The following FARS2 variants were observed in gnomAD, a reference collection of about 807,000 sequenced individuals.
FARS2 encodes phenylalanine--tRNA ligase, mitochondrial.
FARS2 carries 40 observed loss-of-function variants against 46.4 expected under a neutral mutation model. The ratio of observed to expected loss-of-function variants is 0.86; its 90% CI spans 0.67 to 1.12. The LOEUF (loss-of-function observed/expected upper bound fraction) is 1.12, where lower values mean the gene tolerates loss of function less well. Among genes scored for constraint, FARS2 ranks in the 50% most tolerant of loss-of-function variants. FARS2 has a pLI of 0.00. For synonymous variants in FARS2, 234 were observed against 214.9 expected, an observed-to-expected ratio of 1.09 and a Z score of -0.78; for missense variants, 513 against 567.9, an observed-to-expected ratio of 0.90 and a Z score of 0.98.
rs568410124 is a variant in FARS2 at position 5,297,102 on chromosome 6, TACA to T, written c.-22+35446_-22+35448del. On this transcript the variant is annotated intron_variant, in intron 1 of 6. Coordinates refer to ENST00000274680, the MANE Select transcript of FARS2 (RefSeq NM_006567.5). The stretch of plus-strand genomic sequence containing the variant: ...TAGGTAATTATTTGTCCTTCACTGT[TACA>T]ACAGCGGAGGAAGGGTAGCACAGAG... Among the ~76,000 whole-genome samples, 339 of 152,314 alleles carry T rather than the reference TACA, an allele frequency of 2.2e-3. 2 individuals are homozygous for T. The highest frequency in any genetic ancestry group is 7.9e-3 in the African/African-American group (328 of 41,568).
intron 4 of FARS2, among the ~76,000 whole-genome samples, chr6:5,472,432 A>G (rs1382429670): frequency 6.6e-6 from 1 of 152,162 alleles, no homozygotes; most frequent in Non-Finnish European, 1.5e-5. Flanking sequence ...GGGGAATGAG[A>G]AGGAGGAAAA....
At chr6:5,317,407 T>C (rs955543576) in intron 1 of FARS2, among the ~76,000 whole-genome samples, 6 of 151,956 alleles carry the variant, frequency 3.9e-5, no homozygotes, top group African/African-American at 1.5e-4. Context: ...ATGCTAGGGG[T>C]GCTAATGGAA....
rs143220382 is a variant in FARS2, at chr6:5,579,677, G to A, written c.1066-33492G>A. ...TTGTCCATTAGAACATGCTTTATAC[G>A]GCATGTGGAGGGATGTGTGTGCCTC... On this transcript the variant is annotated intron_variant, in intron 5 of 6. Transcript: ENST00000274680. Among the ~76,000 whole-genome samples the A allele has an allele frequency of 4.5e-4, 68 of 152,230 alleles. 1 individual carries two copies. The East Asian group carries it at 0.013, about 29-fold the overall frequency.
rs55926813 is a variant in FARS2 at position 5,650,259 on chromosome 6, C to CT, written c.1217+36959dup. On this transcript the variant is annotated intron_variant, in intron 6 of 6. Transcript: ENST00000274680. ...ACCGATGTCAAAGTGGGCCACATTT[C>CT]TTTTTTTTTTTTTTTTTTTTGAGAC... Among the ~76,000 whole-genome samples the CT allele has an allele frequency of 2.6e-3, 305 of 115,750 alleles. 4 individuals are homozygous for CT. The highest frequency in any genetic ancestry group is 9.8e-3 in the African/African-American group (285 of 29,226). 75.9% of individuals were successfully genotyped at this position (115,750 alleles called of 152,430 possible).
intron 1 of FARS2, among the ~76,000 whole-genome samples, chr6:5,324,147 C>CT (rs1770183893): frequency 6.6e-6 from 1 of 152,212 alleles, no homozygotes; most frequent in South Asian, 2.1e-4. Context: ...CAGGTTTTAT[C>CT]TAAAGTAAAC....
intron 1 of FARS2, among the ~76,000 whole-genome samples, chr6:5,264,887 G>C (rs1053461973): frequency 6.6e-6 from 1 of 151,796 alleles, no homozygotes; most frequent in Admixed American, 6.6e-5. Flanking sequence ...TCAAACTCCC[G>C]TGCTGAAGTG....
chr6:5,436,990 A>G (rs1488778096), intron 4 of FARS2, among the ~76,000 whole-genome samples: 1 of 152,188 alleles, frequency 6.6e-6, no homozygotes, highest in Non-Finnish European at 1.5e-5. Context: ...CACCAGTGAA[A>G]CCATCACCAC....
intron 4 of FARS2, among the ~76,000 whole-genome samples, chr6:5,542,459 T>G (rs924895300): frequency 6.6e-6 from 1 of 152,186 alleles, no homozygotes; most frequent in African/African-American, 2.4e-5. Flanking sequence ...ATATGCTAAG[T>G]GTCTGTTTAA....
chr6:5,593,794 T>C (rs1379388260), intron 5 of FARS2, among the ~76,000 whole-genome samples: 2 of 152,198 alleles, frequency 1.3e-5, no homozygotes, highest in Non-Finnish European at 2.9e-5. Flanking sequence ...GGAGAAGCCA[T>C]GGGGACAGGA....
intron 1 of FARS2, among the ~76,000 whole-genome samples, chr6:5,269,519 C>T (rs376459940): frequency 6.6e-6 from 1 of 150,468 alleles, no homozygotes; most frequent in African/African-American, 2.4e-5. Context: ...CCTTTCATTG[C>T]TGTTTAGCAG....
intron 6 of FARS2, among the ~76,000 whole-genome samples, chr6:5,620,176 G>A (rs1775692961): frequency 6.6e-6 from 1 of 151,860 alleles, no homozygotes; most frequent in Admixed American, 6.6e-5. Context: ...TCACTAGATA[G>A]CAGTAACAAC....
intron 4 of FARS2, among the ~76,000 whole-genome samples, chr6:5,505,057 T>G (rs556936629): frequency 6.6e-6 from 1 of 152,344 alleles, no homozygotes; most frequent in South Asian, 2.1e-4. Context: ...AAAACCAGTT[T>G]GTCAGTCAAT....
intron 6 of FARS2, among the ~76,000 whole-genome samples, chr6:5,758,537 C>G (rs372868275): frequency 9.8e-5 from 15 of 152,310 alleles, no homozygotes; most frequent in African/African-American, 2.9e-4. Context: ...ACTTCTCTTA[C>G]AAAGAGGAGC....
At chr6:5,470,118 A>G (rs1765730143) in intron 4 of FARS2, among the ~76,000 whole-genome samples, 1 of 152,228 alleles carries the variant, frequency 6.6e-6, no homozygotes, top group Admixed American at 6.5e-5. Context: ...TTCCAAAAGG[A>G]GTTAATTTTT....
At chr6:5,344,203 G>C (rs1345781783) in intron 1 of FARS2, among the ~76,000 whole-genome samples, 1 of 152,138 alleles carries the variant, frequency 6.6e-6, no homozygotes, top group Non-Finnish European at 1.5e-5. Context: ...CCTGTAGAGA[G>C]GTTGGCCGAG....
chr6:5,456,057 A>G (rs1764837292), intron 4 of FARS2, among the ~76,000 whole-genome samples: 1 of 152,032 alleles, frequency 6.6e-6, no homozygotes. Context: ...TCTCTCCAAA[A>G]TTACAAAAAT....
intron 6 of FARS2, among the ~76,000 whole-genome samples, chr6:5,664,170 T>A (rs1375709085): frequency 6.6e-6 from 1 of 152,240 alleles, no homozygotes; most frequent in Non-Finnish European, 1.5e-5. Context: ...CCTGTGTCAG[T>A]TCATTCTATG....
intron 4 of FARS2, among the ~76,000 whole-genome samples, chr6:5,516,757 T>TCTTTGCAATATAA (rs1265579226): frequency 2.6e-5 from 4 of 152,228 alleles, no homozygotes; most frequent in African/African-American, 4.8e-5. Flanking sequence ...GAGCTGTGTA[T>TCTTTGCAATATAA]CTTTGCAATA....
chr6:5,673,118 A>G (rs531925394), intron 6 of FARS2, among the ~76,000 whole-genome samples: 86 of 152,338 alleles, frequency 5.6e-4, no homozygotes, highest in African/African-American at 1.9e-3. Flanking sequence ...CCCATTGAGG[A>G]AAGGCAAATG....
Sources: allele counts gnomAD v4.1 joint callset (sites outside exome capture counted in the v4.1 genomes callset), GRCh38; gene constraint gnomAD v4.1.1; transcripts MANE v1.5; gene names NCBI Gene and HGNC (gene_info 2026-07-23, HGNC 2026-07-21).